The following TICRR variants were observed in gnomAD, a reference collection of about 807,000 sequenced individuals.
TICRR encodes treslin.
Under a neutral mutation model 178.1 loss-of-function variants are expected in TICRR, and 132 were observed. The observed-to-expected ratio is 0.74, with a 90% CI of 0.64 to 0.86. TICRR has a LOEUF of 0.86. Among genes scored for constraint, TICRR ranks in the 40% least tolerant of loss-of-function variants. The pLI is 0.00. For missense variants in TICRR, 2,587 were observed against 2,334.3 expected, an observed-to-expected ratio of 1.11 and a Z score of -2.23; for synonymous variants, 991 against 900.7, an observed-to-expected ratio of 1.10 and a Z score of -1.79.
intron 15 of TICRR, among the ~76,000 whole-genome samples, chr15:89,612,862 T>C (rs1038742156): frequency 6.6e-6 from 1 of 152,256 alleles, no homozygotes; most frequent in African/African-American, 2.4e-5. Flanking sequence ...TTCTACTGAC[T>C]ATCCCTTCTT....
At position 89,595,501 on chromosome 15, in the gene TICRR, A is replaced by G. The variant is rs766953723; in HGVS notation, c.1790A>G (p.Asp597Gly). The G allele has an allele frequency of 5.0e-6, 8 of 1,614,174 alleles. No individual in the cohort carries two copies. The highest frequency in any genetic ancestry group is 6.8e-6 in the Non-Finnish European group (8 of 1,180,022). The change falls in exon 7 of 22, where the codon GAT becomes GGT. Residue 597 changes from aspartate (D) to glycine (G), a missense_variant. Coordinates refer to ENST00000268138, the MANE Select transcript of TICRR (RefSeq NM_152259.4). ...GTGAAGGCCCAGAAGTTACATCCAGATGGCAGTCCGGATGTGGCTGGGGAG... is the reference window on the plus strand; with the variant it reads ...GTGAAGGCCCAGAAGTTACATCCAGGTGGCAGTCCGGATGTGGCTGGGGAG... ...LNVKAQKLHP[D>G]GSPDVAGEKG...
chr15:89,625,569 G>GA lies in TICRR; in HGVS notation c.5261dup (p.Asn1754LysfsTer5). 1.2e-6 allele frequency: 2 copies of GA among 1,613,068 alleles called. No homozygotes were observed. Among genetic ancestry groups the GA allele is most frequent in the Non-Finnish European group, 1.7e-6 (2 of 1,180,008 alleles). ...AGCTCCCAGACCAGTCGCCTCCCAG[G>GA]AACAGCATGCCTAAGGCCGAGGAAG... On this transcript the variant is annotated frameshift_variant, in exon 20 of 22. Coordinates refer to ENST00000268138, the MANE Select transcript of TICRR (RefSeq NM_152259.4). LOFTEE classifies it high-confidence loss of function.
chr15:89,604,036 G>T (rs1209198052), intron 13 of TICRR, among the ~76,000 whole-genome samples: 1 of 148,956 alleles, frequency 6.7e-6, no homozygotes, highest in Non-Finnish European at 1.5e-5. Flanking sequence ...TTTATTGGTT[G>T]AAAAAAAAAT....
In TICRR at chr15:89,621,447, T is replaced by C. The variant is rs772229279; in HGVS notation, c.3209T>C (p.Phe1070Ser). The stretch of plus-strand genomic sequence containing the variant: ...ATTCGGTCTCCCAAGAGTCTTCTTT[T>C]TGGGGCAATGTCTGAGATGATCAGC... ...QSIRSPKSLL[F>S]GAMSEMISPS... Residue 1070 changes from phenylalanine to serine, a missense_variant, in exon 19 of 22, where the codon TTT (phenylalanine) becomes TCT (serine). Transcript: ENST00000268138. The C allele has an allele frequency of 4.3e-6, 7 of 1,613,972 alleles. No homozygotes were observed. The highest frequency in any genetic ancestry group is 5.9e-6 in the Non-Finnish European group (7 of 1,180,006).
At chr15:89,594,615 G>T in intron 6 of TICRR, 61 bp downstream of exon 6, 2 of 1,401,390 alleles carry the variant, frequency 1.4e-6, no homozygotes, top group South Asian at 1.7e-5. Context: ...TGTTTTAAAA[G>T]ATGGGCATTT....
intron 3 of TICRR, among the ~76,000 whole-genome samples, chr15:89,584,836 A>C (rs1322432223): frequency 6.6e-6 from 1 of 152,210 alleles, no homozygotes; most frequent in Non-Finnish European, 1.5e-5. Context: ...TTTTTTAAAT[A>C]TTCTGTTACA....
chr15:89,620,954 T>C (rs4932237), intron 18 of TICRR, among the ~76,000 whole-genome samples: 137,624 of 152,052 alleles, frequency 0.91, 62,569 homozygotes, highest in African/African-American at 0.96. Flanking sequence ...GATCTCCGAC[T>C]TAGTGATCTG....
intron 15 of TICRR, among the ~76,000 whole-genome samples, chr15:89,609,292 T>C (rs890962195): frequency 1.3e-5 from 2 of 151,090 alleles, no homozygotes; most frequent in African/African-American, 4.9e-5. Flanking sequence ...TAAAATTTTT[T>C]TGTGGAGACA....
chr15:89,581,194 T>C (rs1246471492), intron 1 of TICRR, among the ~76,000 whole-genome samples: 1 of 151,548 alleles, frequency 6.6e-6, no homozygotes, highest in African/African-American at 2.4e-5. Context: ...TTCGAGACCC[T>C]TCTAGTTCTG....
intron 21 of TICRR, 56 bp from the exon 22 acceptor site, chr15:89,626,900 T>C (rs1963537997): frequency 1.9e-6 from 3 of 1,583,422 alleles, no homozygotes; most frequent in Non-Finnish European, 2.6e-6. Context: ...AAGCCAATTT[T>C]TTTCAGTTCG....
intron 1 of TICRR, among the ~76,000 whole-genome samples, chr15:89,577,205 T>C (rs1193260161): frequency 6.6e-6 from 1 of 152,118 alleles, no homozygotes; most frequent in Non-Finnish European, 1.5e-5. Flanking sequence ...CAGATGTGTA[T>C]TAAACGTTGT....
intron 4 of TICRR, 33 bp from the exon 5 acceptor site, chr15:89,592,014 T>G: frequency 1.1e-5 from 18 of 1,589,362 alleles, no homozygotes; most frequent in Non-Finnish European, 1.5e-5. Flanking sequence ...TCATGCTGTT[T>G]CCTCTCCTGC....
At chr15:89,614,731 ATTTG>A (rs1963307871) in intron 15 of TICRR, among the ~76,000 whole-genome samples, 1 of 152,168 alleles carries the variant, frequency 6.6e-6, no homozygotes, top group Non-Finnish European at 1.5e-5. Context: ...TTTCTAAACT[ATTTG>A]TTTAAATTTT....
At chr15:89,599,737 T>A (rs1195673234) in intron 8 of TICRR, among the ~76,000 whole-genome samples, 1 of 152,230 alleles carries the variant, frequency 6.6e-6, no homozygotes, top group Non-Finnish European at 1.5e-5. Context: ...TCATGTGAGC[T>A]ATATGTTAGC....
rs1336441699 is a variant in TICRR at position 89,599,367 on chromosome 15, T to G, written c.1944T>G (p.Asn648Lys). 4.3e-6 allele frequency: 7 copies of G among 1,613,234 alleles called. No homozygotes were observed. Among genetic ancestry groups the G allele is most frequent in the Non-Finnish European group, 5.9e-6 (7 of 1,179,644 alleles). ...AGCTGCTATCATATATACGTGAAAA[T>G]TACCAAAAGACTGTGGCCACAGGAG... ...EEELLSYIRE[N>K]YQKTVATGEI... The change falls in exon 8 of 22, where the codon AAT (asparagine) becomes AAG (lysine). Residue 648 changes from asparagine to lysine, a missense_variant. Asn to Lys is a moderately conservative substitution (Grantham distance 94). Transcript: ENST00000268138.
chr15:89,585,675 A>G (rs749925291), intron 3 of TICRR, 33 bp from the exon 4 acceptor site: 2 of 1,462,380 alleles, frequency 1.4e-6, no homozygotes, highest in East Asian at 2.3e-5. Flanking sequence ...TATTGACAAT[A>G]ATATTCTCAA....
chr15:89,619,616 T>C, intron 17 of TICRR, 92 bp from the exon 18 acceptor site: 1 of 1,335,644 alleles, frequency 7.5e-7, no homozygotes. Flanking sequence ...TTATATGTGG[T>C]ACTATGTAAA....
chr15:89,581,953 C>T (rs80106495), intron 1 of TICRR, among the ~76,000 whole-genome samples: 6 of 152,120 alleles, frequency 3.9e-5, no homozygotes, highest in African/African-American at 1.2e-4. Flanking sequence ...GTGATGGTCA[C>T]CGTCTGGGGG....
In TICRR at chr15:89,627,172, C is replaced by G; in HGVS notation, c.*86C>G. On this transcript the variant is annotated 3_prime_UTR_variant, in exon 22 of 22. Transcript: ENST00000268138. ...AAGTTGGATGCCTGGTCCCAAGCCTCTTTTGCCATGGTCAGTGTTCAGATT... is the reference window on the plus strand; with the variant it reads ...AAGTTGGATGCCTGGTCCCAAGCCTGTTTTGCCATGGTCAGTGTTCAGATT... The G allele has an allele frequency of 6.5e-7, 1 of 1,541,438 alleles. No homozygotes were observed. Among genetic ancestry groups the G allele is most frequent in the South Asian group, 1.1e-5 (1 of 87,414 alleles).
Sources: gnomAD v4.1 joint callset for allele counts (sites outside exome capture counted in the v4.1 genomes callset) on GRCh38, gnomAD v4.1.1 for gene constraint, MANE v1.5 for transcripts, NCBI Gene and HGNC (gene_info 2026-07-23, HGNC 2026-07-21) for gene names.